The following KMT2C variants were observed in gnomAD, a reference collection of about 807,000 sequenced individuals.
KMT2C encodes histone-lysine N-methyltransferase 2C.
KMT2C carries 88 observed loss-of-function variants against 507.9 expected under a neutral mutation model. The ratio of observed to expected loss-of-function variants is 0.17; its 90% CI spans 0.15 to 0.21. The LOEUF is 0.21. KMT2C is among the 10% of genes least tolerant of loss of function. KMT2C has a pLI of 1.00. For missense variants in KMT2C, 4,954 were observed against 5,957.8 expected (o/e 0.83, Z 5.55); for synonymous variants, 2,049 against 2,080.8 (o/e 0.98, Z 0.42).
chr7:152,161,259 C>T (rs781274536), intron 43 of KMT2C, among the ~76,000 whole-genome samples: 1 of 152,156 alleles, frequency 6.6e-6, no homozygotes, highest in African/African-American at 2.4e-5. Flanking sequence ...AAAAGCAACA[C>T]TTGCAAAAAG....
chr7:152,223,559 T>C (rs1418621048), intron 20 of KMT2C, among the ~76,000 whole-genome samples: 2 of 152,082 alleles, frequency 1.3e-5, no homozygotes, highest in East Asian at 3.8e-4. Flanking sequence ...TTTAGGAGGC[T>C]GAGGCGGGCG....
At chr7:152,395,950 C>T (rs1238675047) in intron 1 of KMT2C, among the ~76,000 whole-genome samples, 2 of 152,174 alleles carry the variant, frequency 1.3e-5, no homozygotes, top group East Asian at 3.8e-4. Context: ...CTTGTGCTGG[C>T]CACTTTTACA....
rs757616326 is a variant in KMT2C, at chr7:152,209,661, G to A, written c.3713-2233C>T. On this transcript the variant is annotated intron_variant, in intron 23 of 58. Transcript: ENST00000262189. ...GAGGTGGGAGAAGAGAATTGCTTGA[G>A]CCCAGAAGGTTGAGGCTACAGTGAG... is the stretch of plus-strand genomic sequence containing the variant. Among the ~76,000 whole-genome samples the A allele has an allele frequency of 4.0e-5, 6 of 150,918 alleles. No individual in the cohort carries two copies. In the South Asian group the frequency reaches 1.3e-3, roughly 32 times the overall value.
At chr7:152,290,254 A>AG (rs2096392020) in intron 6 of KMT2C, among the ~76,000 whole-genome samples, 7 of 41,586 alleles carry the variant, frequency 1.7e-4, no homozygotes, top group Non-Finnish European at 9.0e-5. Flanking sequence ...GTGTGTGTGT[A>AG]TGTGTATATA....
chr7:152,237,977 A>G lies in KMT2C; in HGVS notation c.2652+730T>C, dbSNP rs550479172. ...TCAAACTGTCAAATGAGGTATATTT[A>G]TACCTCAATATCTTGGATGATATCA... On this transcript the variant is annotated intron_variant, in intron 15 of 58. Coordinates refer to ENST00000262189, the MANE Select transcript of KMT2C (RefSeq NM_170606.3). Among the ~76,000 whole-genome samples the G allele has an allele frequency of 2.6e-5, 4 of 152,420 alleles. No individual in the cohort carries two copies. In the East Asian group the frequency reaches 7.7e-4, roughly 29 times the overall value.
rs149140684 is a variant in KMT2C, at chr7:152,163,109, G to T, written c.10468C>A (p.Gln3490Lys). ...GQVLQQQNIQ[Q>K]GSINSPSTQT... ...GTGGAGGGTGAATTAATTGATCCTT[G>T]TTGTATATTCTGCTGCTGTAAAACC... The change falls in exon 43 of 59, where the codon CAA becomes AAA. Residue 3490 changes from glutamine to lysine, a missense_variant. Coordinates refer to ENST00000262189, the MANE Select transcript of KMT2C (RefSeq NM_170606.3). 2 of 1,614,038 alleles carry T rather than the reference G, an allele frequency of 1.2e-6. No individual in the cohort carries two copies. The highest frequency in any genetic ancestry group is 1.7e-6 in the Non-Finnish European group (2 of 1,179,994).
In KMT2C at chr7:152,181,524, A is replaced by G. The variant is rs752728537; in HGVS notation, c.6336T>C (p.Pro2112=). The G allele has an allele frequency of 1.4e-5, 23 of 1,613,962 alleles. No individual in the cohort carries two copies. The highest frequency in any genetic ancestry group is 5.1e-6 in the Non-Finnish European group (6 of 1,180,014). The stretch of plus-strand genomic sequence containing the variant: ...TTCCAGGCTGGGAAAAAGCCCTTGA[A>G]GGATGGGCAAAAGATTCATTCACTG... ...HPAVNESFAH[P]SRAFSQPGTI... is the part of the protein sequence containing the mutation. The change falls in exon 36 of 59, where the codon CCT becomes CCC. Residue 2112 remains proline, a synonymous_variant. Coordinates refer to ENST00000262189, the MANE Select transcript of KMT2C (RefSeq NM_170606.3).
chr7:152,367,131 GA>G, intron 1 of KMT2C: 2 of 1,125,780 alleles, frequency 1.8e-6, no homozygotes, highest in African/African-American at 3.1e-5. Context: ...TGGTCTCCTA[GA>G]AATCTAGCAC....
chr7:152,252,472 T>G, intron 10 of KMT2C, 74 bp downstream of exon 10: 1 of 1,212,384 alleles, frequency 8.2e-7, no homozygotes, highest in Admixed American at 1.8e-5. Context: ...TTAGAAGCTG[T>G]AAGATGGTAG....
rs114627993 is a variant in KMT2C at position 152,427,553 on chromosome 7, A to G, written c.161+8073T>C. ...ACTGCATGGTAGTCCATTGATGCAT[A>G]TTTTGTTGTTGCCAACTTTTCTCTA... On this transcript the variant is annotated intron_variant, in intron 1 of 58. Coordinates refer to ENST00000262189, the MANE Select transcript of KMT2C (RefSeq NM_170606.3). Among the ~76,000 whole-genome samples, 1,325 of 152,220 alleles carry G rather than the reference A, an allele frequency of 8.7e-3. 21 individuals carry two copies. Among genetic ancestry groups the G allele is most frequent in the African/African-American group, 0.031 (1,277 of 41,536 alleles).
intron 1 of KMT2C, among the ~76,000 whole-genome samples, chr7:152,379,005 AT>A (rs1311680879): frequency 6.6e-6 from 1 of 152,070 alleles, no homozygotes; most frequent in East Asian, 1.9e-4. Flanking sequence ...CCCGCACTTC[AT>A]TTCCTGTTAG....
chr7:152,358,493 T>C (rs2097170347), intron 2 of KMT2C, 94 bp downstream of exon 2: 6 of 804,702 alleles, frequency 7.5e-6, no homozygotes, highest in South Asian at 1.9e-5. Context: ...AACAAATGCT[T>C]AACACAGAAT....
intron 9 of KMT2C, among the ~76,000 whole-genome samples, chr7:152,259,583 C>T (rs1327780774): frequency 1.3e-5 from 2 of 151,986 alleles, no homozygotes; most frequent in Non-Finnish European, 2.9e-5. Flanking sequence ...TTTATTTTCT[C>T]CAACTTTTAG....
At chr7:152,297,056 AG>A (rs2096517491) in intron 6 of KMT2C, among the ~76,000 whole-genome samples, 587 of 41,812 alleles carry the variant, frequency 0.014, 1 homozygote, top group East Asian at 0.064. Flanking sequence ...AAAGAAAGAC[AG>A]AGAGAGAGAG....
At chr7:152,274,027 C>G (rs2096027941) in intron 6 of KMT2C, among the ~76,000 whole-genome samples, 160 bp from the exon 7 acceptor site, 1 of 152,148 alleles carries the variant, frequency 6.6e-6, no homozygotes, top group African/African-American at 2.4e-5. Context: ...ATAAAATCTA[C>G]ATTACTCAAT....
chr7:152,377,987 G>A (rs1418445554), intron 1 of KMT2C, among the ~76,000 whole-genome samples: 1 of 152,170 alleles, frequency 6.6e-6, no homozygotes, highest in Non-Finnish European at 1.5e-5. Flanking sequence ...AATTAGAAGT[G>A]GAGCCTGAAG....
At chr7:152,298,939 T>C (rs2129191715) in intron 6 of KMT2C, among the ~76,000 whole-genome samples, 1 of 152,320 alleles carries the variant, frequency 6.6e-6, no homozygotes, top group Non-Finnish European at 1.5e-5. Flanking sequence ...TAGACCTCTC[T>C]AAATGTACAC....
In KMT2C at chr7:152,177,678, T is replaced by C. The variant is rs1294128108; in HGVS notation, c.7775A>G (p.Asn2592Ser). 6.2e-7 allele frequency: 1 copy of C among 1,614,000 alleles called. No homozygotes were observed. Among genetic ancestry groups the C allele is most frequent in the Admixed American group, 1.7e-5 (1 of 60,002 alleles). The change falls in exon 38 of 59, where the codon AAC becomes AGC. Residue 2592 changes from asparagine to serine, a missense_variant. Physicochemically the swap from Asn to Ser is conservative, Grantham distance 46. Coordinates refer to ENST00000262189, the MANE Select transcript of KMT2C (RefSeq NM_170606.3). ...VEASSNLRHG[N>S]FIPRPDFPGP... ...CGGAAAGTCTGGCCGGGGAATGAAG[T>C]TTCCATGTCTCAGATTAGAAGATGC... is the stretch of plus-strand genomic sequence containing the variant.
chr7:152,184,945 A>T (rs910970071), intron 34 of KMT2C, among the ~76,000 whole-genome samples: 1 of 152,070 alleles, frequency 6.6e-6, no homozygotes, highest in African/African-American at 2.4e-5. Flanking sequence ...TATAGAGATG[A>T]GGTTTTGGCT....
Sources: gnomAD v4.1 joint callset for allele counts (sites outside exome capture counted in the v4.1 genomes callset) on GRCh38, gnomAD v4.1.1 for gene constraint, MANE v1.5 for transcripts, NCBI Gene and HGNC (gene_info 2026-07-23, HGNC 2026-07-21) for gene names.